The following MSL2 variants were observed in gnomAD, a reference collection of about 807,000 sequenced individuals.
The protein encoded by MSL2 is E3 ubiquitin-protein ligase MSL2.
MSL2 carries 2 observed loss-of-function variants against 35.8 expected under a neutral mutation model. The ratio of observed to expected loss-of-function variants is 0.06; its 90% CI spans 0.02 to 0.18. MSL2 has a LOEUF of 0.18. MSL2 is among the 10% of genes least tolerant of loss of function. The pLI is 1.00. For synonymous variants in MSL2, 296 were observed against 255.7 expected (o/e 1.16, Z -1.50); for missense variants, 523 against 706.7 (o/e 0.74, Z 2.95).
intron 1 of MSL2, among the ~76,000 whole-genome samples, chr3:136,173,430 TTCC>T (rs1197129966): frequency 6.6e-6 from 1 of 152,170 alleles, no homozygotes; most frequent in Non-Finnish European, 1.5e-5. Flanking sequence ...AAGCCTGGTC[TTCC>T]TCCTGCATCC....
chr3:136,154,413 T>C (rs956420412), intron 1 of MSL2, among the ~76,000 whole-genome samples: 1 of 152,164 alleles, frequency 6.6e-6, no homozygotes, highest in African/African-American at 2.4e-5. Context: ...GGAAAGGAAC[T>C]AGACCCAGTT....
chr3:136,170,143 A>ACCAG (rs1939980439), intron 1 of MSL2, among the ~76,000 whole-genome samples: 1 of 151,494 alleles, frequency 6.6e-6, no homozygotes, highest in Non-Finnish European at 1.5e-5. Context: ...GGGGTTCACG[A>ACCAG]CCAGCCTGGC....
In MSL2 at chr3:136,180,756, G is replaced by GGGAA. The variant is rs1302373370; in HGVS notation, c.142+14212_142+14215dup. Among the ~76,000 whole-genome samples, 6 of 92,670 alleles carry GGGAA rather than the reference G, an allele frequency of 6.5e-5. No individual in the cohort carries two copies. In the East Asian group the frequency reaches 1.4e-3, roughly 21 times the overall value. The allele number at this position is 92,670 out of a possible 152,430, so 60.8% of individuals were successfully genotyped here. ...AGAAGAGGAGGAGAGGAGGGAAGGAGGGAAGGAGGGAGGGAGGGAGGGAGG... is the reference window on the plus strand; with the variant it reads ...AGAAGAGGAGGAGAGGAGGGAAGGAGGGAAGGAAGGAGGGAGGGAGGGAGGGAGG... On this transcript the variant is annotated intron_variant, in intron 1 of 1. Coordinates refer to ENST00000309993, the MANE Select transcript of MSL2 (RefSeq NM_018133.4).
chr3:136,156,353 A>T (rs553015583), intron 1 of MSL2, among the ~76,000 whole-genome samples: 28 of 152,180 alleles, frequency 1.8e-4, no homozygotes, highest in Non-Finnish European at 1.9e-4. Context: ...AGCAAATGGG[A>T]GAGGGAGGTT....
intron 1 of MSL2, among the ~76,000 whole-genome samples, chr3:136,153,407 G>A (rs1345608995): frequency 6.6e-6 from 1 of 152,096 alleles, no homozygotes; most frequent in Non-Finnish European, 1.5e-5. Context: ...TTCATCAGTA[G>A]AAAAGTATCT....
At chr3:136,185,049 A>T (rs879575917) in intron 1 of MSL2, among the ~76,000 whole-genome samples, 1 of 152,088 alleles carries the variant, frequency 6.6e-6, no homozygotes, top group Non-Finnish European at 1.5e-5. Context: ...ATCTCAGTTC[A>T]CTGCAACCTC....
In MSL2 at chr3:136,195,616, C is replaced by A; in HGVS notation, c.-503G>T. 1.0e-6 allele frequency: 1 copy of A among 980,626 alleles called. No individual in the cohort carries two copies. The highest frequency in any genetic ancestry group is 1.2e-6 in the Non-Finnish European group (1 of 825,280). The allele number at this position is 980,626 out of a possible 1,614,324, so 60.7% of individuals were successfully genotyped here. On this transcript the variant is annotated 5_prime_UTR_variant, in exon 1 of 2. Transcript: ENST00000309993. ...GTACAGGGCGCGGAGGCGGCGGCGACGGCAAGGACGACGGTCGGGCAGCGG... is the reference window on the plus strand; with the variant it reads ...GTACAGGGCGCGGAGGCGGCGGCGAAGGCAAGGACGACGGTCGGGCAGCGG...
intron 1 of MSL2, among the ~76,000 whole-genome samples, chr3:136,160,957 C>T (rs1939693178): frequency 6.7e-6 from 1 of 149,904 alleles, no homozygotes; most frequent in South Asian, 2.1e-4. Context: ...CATGGTGGTG[C>T]ATGCCTGTAA....
At chr3:136,176,970 G>C (rs933335999) in intron 1 of MSL2, among the ~76,000 whole-genome samples, 2 of 152,204 alleles carry the variant, frequency 1.3e-5, no homozygotes, top group Admixed American at 6.5e-5. Flanking sequence ...ATGAACTTGA[G>C]ACCAGAGAAC....
chr3:136,150,923 AAACTATGAG>A lies in MSL2; in HGVS notation c.*215_*223del, dbSNP rs1939342536. The stretch of plus-strand genomic sequence containing the variant: ...AATCAGTTGCATCAGCTTTGTTCTC[AAACTATGAG>A]GTTCTGTAAGAACTAAGGACATATA... On this transcript the variant is annotated 3_prime_UTR_variant, in exon 2 of 2. Transcript: ENST00000309993. 3 of 514,340 alleles carry A rather than the reference AAACTATGAG, an allele frequency of 5.8e-6. No homozygotes were observed. The highest frequency in any genetic ancestry group is 1.0e-5 in the Non-Finnish European group (3 of 290,630). 31.9% of individuals were successfully genotyped at this position (514,340 alleles called of 1,614,324 possible). A position where few individuals can be genotyped will look rare whatever the true frequency, so the allele number is the denominator to read the frequency against.
chr3:136,190,763 G>C (rs1477868410), intron 1 of MSL2, among the ~76,000 whole-genome samples: 2 of 152,000 alleles, frequency 1.3e-5, no homozygotes, highest in African/African-American at 4.8e-5. Flanking sequence ...CTTATCAAAA[G>C]AAAAAAACAA....
chr3:136,169,949 G>A (rs1939973814), intron 1 of MSL2, among the ~76,000 whole-genome samples: 2 of 151,454 alleles, frequency 1.3e-5, no homozygotes, highest in Non-Finnish European at 1.5e-5. Context: ...CCAGTTACTC[G>A]GGCTGAGGCA....
intron 1 of MSL2, chr3:136,194,559 A>T (rs764528567): frequency 2.3e-4 from 126 of 541,586 alleles, no homozygotes; most frequent in Non-Finnish European, 2.7e-4. Flanking sequence ...CAGTTTGGGG[A>T]AATGCAAACA....
rs147762572 is a variant in MSL2 at position 136,195,087 on chromosome 3, G to C, written c.27C>G (p.Leu9=). 3 of 1,613,026 alleles carry C rather than the reference G, an allele frequency of 1.9e-6. No individual in the cohort carries two copies. The highest frequency in any genetic ancestry group is 1.7e-6 in the Non-Finnish European group (2 of 1,179,784). ...GCACTAGGCGGCTCGCGGAAATGTA[G>C]AGAGCAGTAGCATTCACGGGGTTCA... The part of the protein sequence containing the change: MNPVNATA[L]YISASRLVLN... The change falls in exon 1 of 2, where the codon CTC becomes CTG. Residue 9 remains leucine, a synonymous_variant. Transcript: ENST00000309993.
At chr3:136,172,416 A>T (rs1940053872) in intron 1 of MSL2, among the ~76,000 whole-genome samples, 1 of 151,520 alleles carries the variant, frequency 6.6e-6, no homozygotes, top group Non-Finnish European at 1.5e-5. Context: ...CCTCTCTCTC[A>T]CTTCCACCTT....
chr3:136,160,471 G>A (rs1228357172), intron 1 of MSL2, among the ~76,000 whole-genome samples: 1 of 149,276 alleles, frequency 6.7e-6, no homozygotes, highest in Non-Finnish European at 1.5e-5. Context: ...CTCACTCCCA[G>A]CACTTCGGAA....
At chr3:136,156,100 G>A (rs1335755455) in intron 1 of MSL2, 5 of 218,460 alleles carry the variant, frequency 2.3e-5, no homozygotes, top group Non-Finnish European at 4.7e-5. Flanking sequence ...TCTCCACTGT[G>A]CTGGAGTCCA....
At chr3:136,178,711 T>C (rs1940251931) in intron 1 of MSL2, among the ~76,000 whole-genome samples, 1 of 148,568 alleles carries the variant, frequency 6.7e-6, no homozygotes, top group South Asian at 2.2e-4. Flanking sequence ...ACTTTTTTAT[T>C]TTTAGTAGAG....
intron 1 of MSL2, among the ~76,000 whole-genome samples, chr3:136,157,731 A>C (rs1422562788): frequency 6.6e-6 from 1 of 152,226 alleles, no homozygotes; most frequent in Non-Finnish European, 1.5e-5. Flanking sequence ...TTATGCCAAC[A>C]ATTTTAGACT....
Sources: gnomAD v4.1 joint callset for allele counts (sites outside exome capture counted in the v4.1 genomes callset) on GRCh38, gnomAD v4.1.1 for gene constraint, MANE v1.5 for transcripts, NCBI Gene and HGNC (gene_info 2026-07-23, HGNC 2026-07-21) for gene names.